PSMB7: variants seen among roughly 807,000 people sequenced by gnomAD.
PSMB7 encodes the protein proteasome 20S subunit beta 7.
A neutral mutation model predicts 28.1 loss-of-function variants in PSMB7; 5 were observed. The ratio of observed to expected loss-of-function variants is 0.18; its 90% CI spans 0.09 to 0.37. The LOEUF (loss-of-function observed/expected upper bound fraction) is 0.37. PSMB7 is among the 10% of genes least tolerant of loss of function. The pLI is 1.00. For missense variants in PSMB7, 275 were observed against 346.2 expected, an observed-to-expected ratio of 0.79 and a Z score of 1.63; for synonymous variants, 122 against 123.7, an observed-to-expected ratio of 0.99 and a Z score of 0.09.
At chr9:124,366,690 G>C (rs961323066) in intron 6 of PSMB7, among the ~76,000 whole-genome samples, 2 of 152,188 alleles carry the variant, frequency 1.3e-5, no homozygotes, top group African/African-American at 2.4e-5. Context: ...TTCTAGTTTT[G>C]CAAGATCCAT....
rs1379689902 is a variant in PSMB7, at chr9:124,412,509, G to C, written c.255-17C>G. 1 of 1,612,278 alleles carries C rather than the reference G, an allele frequency of 6.2e-7. No individual in the cohort carries two copies. Among genetic ancestry groups the C allele is most frequent in the Admixed American group, 1.7e-5 (1 of 59,770 alleles). On this transcript the variant is annotated splice_polypyrimidine_tract_variant and intron_variant, in intron 3 of 7. Coordinates refer to ENST00000259457, the MANE Select transcript of PSMB7 (RefSeq NM_002799.4). ...CCACAACAACTGAAAAATCCAATTA[G>C]AAACTTAGCTGAAATCCAATTACCA...
At chr9:124,384,061 A>G (rs1187271042) in intron 6 of PSMB7, 1 of 152,264 alleles carries the variant, frequency 6.6e-6, no homozygotes, top group Non-Finnish European at 1.5e-5. Flanking sequence ...AAACACAATA[A>G]AAGAATCTCT....
At position 124,413,918 on chromosome 9, in the gene PSMB7, G is replaced by A. The variant is rs549738267; in HGVS notation, c.244C>T (p.Pro82Ser). 7.5e-6 allele frequency: 12 copies of A among 1,597,652 alleles called. No homozygotes were observed. The South Asian group carries it at 1.0e-4, about 13-fold the overall frequency. Residue 82 changes from proline to serine, a missense_variant, in exon 3 of 8, where the codon CCT (proline) becomes TCT (serine). Transcript: ENST00000259457. ...KNCSKIHFISPNIYCCGAGTA... is the reference protein window; with the variant it reads ...KNCSKIHFISSNIYCCGAGTA... ...CGAATCAATACTTACTAAATATTAG[G>A]AGATATGAAGTGTATTTTTGAACAG...
At chr9:124,409,440 G>A (rs1162720101) in intron 4 of PSMB7, among the ~76,000 whole-genome samples, 2 of 152,296 alleles carry the variant, frequency 1.3e-5, no homozygotes, top group East Asian at 3.9e-4. Context: ...CATGCTCACA[G>A]AACAAGCATT....
chr9:124,363,888 G>A (rs575432958), intron 6 of PSMB7, among the ~76,000 whole-genome samples: 1 of 152,170 alleles, frequency 6.6e-6, no homozygotes, highest in Non-Finnish European at 1.5e-5. Context: ...AGAGATGTCA[G>A]CGGCTGCACG....
intron 6 of PSMB7, among the ~76,000 whole-genome samples, chr9:124,373,957 C>T (rs6478661): frequency 0.99 from 150,309 of 152,346 alleles, 74,178 homozygotes; most frequent in East Asian, 1. Context: ...CCAATGCTCA[C>T]AGCAGCATTA....
chr9:124,404,767 C>T (rs1391935405), intron 5 of PSMB7, among the ~76,000 whole-genome samples: 1 of 152,072 alleles, frequency 6.6e-6, no homozygotes, highest in African/African-American at 2.4e-5. Context: ...GCAGAAGAAT[C>T]ACTTGAACCC....
intron 4 of PSMB7, among the ~76,000 whole-genome samples, chr9:124,406,691 G>T (rs920430801): frequency 7.9e-5 from 12 of 151,186 alleles, no homozygotes; most frequent in Non-Finnish European, 1.8e-4. Context: ...AGAAACCACT[G>T]CTACTACACA....
chr9:124,365,428 G>C (rs1401487486), intron 6 of PSMB7, among the ~76,000 whole-genome samples: 1 of 152,182 alleles, frequency 6.6e-6, no homozygotes, highest in Non-Finnish European at 1.5e-5. Flanking sequence ...ACATGGGAAG[G>C]AGAAAGGTGT....
In PSMB7 at chr9:124,385,198, A is replaced by C. The variant is rs149261987; in HGVS notation, c.512-542T>G. On this transcript the variant is annotated intron_variant, in intron 5 of 7. Coordinates refer to ENST00000259457, the MANE Select transcript of PSMB7 (RefSeq NM_002799.4). ...GCAGCCACCAGGTTATTCCAGCTAC[A>C]ACTGTAAAACACTTTATTATGTGGC... Among the ~76,000 whole-genome samples, 422 of 152,382 alleles carry C rather than the reference A, an allele frequency of 2.8e-3. 2 individuals carry two copies. The highest frequency in any genetic ancestry group is 0.01 in the Middle Eastern group (3 of 294).
At chr9:124,380,693 G>A (rs113314996) in intron 6 of PSMB7, among the ~76,000 whole-genome samples, 56 of 152,310 alleles carry the variant, frequency 3.7e-4, no homozygotes, top group African/African-American at 1.2e-3. Flanking sequence ...AGGAGCCCTC[G>A]GGGGTAAAGG....
intron 6 of PSMB7, among the ~76,000 whole-genome samples, chr9:124,360,731 G>A (rs965791248): frequency 6.6e-6 from 1 of 152,240 alleles, no homozygotes; most frequent in African/African-American, 2.4e-5. Flanking sequence ...GAATGGGTTT[G>A]AATCCCCAGT....
At chr9:124,404,283 T>C (rs1213117098) in intron 5 of PSMB7, among the ~76,000 whole-genome samples, 3 of 151,712 alleles carry the variant, frequency 2.0e-5, no homozygotes, top group Non-Finnish European at 4.4e-5. Flanking sequence ...AATTTTTTGT[T>C]TTATGATCAT....
intron 7 of PSMB7, among the ~76,000 whole-genome samples, chr9:124,354,048 G>A (rs1830368863): frequency 6.6e-6 from 1 of 152,172 alleles, no homozygotes. Context: ...ACTGTTCAGG[G>A]ACAGCAGGAA....
chr9:124,390,250 A>T (rs1301872482), intron 5 of PSMB7, among the ~76,000 whole-genome samples: 1 of 152,254 alleles, frequency 6.6e-6, no homozygotes, highest in Admixed American at 6.5e-5. Flanking sequence ...TTGGAGAAGC[A>T]GAAATGGATA....
chr9:124,394,659 A>G (rs916742848), intron 5 of PSMB7, among the ~76,000 whole-genome samples: 2 of 152,228 alleles, frequency 1.3e-5, no homozygotes, highest in Admixed American at 6.5e-5. Flanking sequence ...ATATTTTTTT[A>G]CACAGAATCA....
intron 2 of PSMB7, 124 bp downstream of exon 2, chr9:124,414,718 G>T: frequency 1.3e-6 from 1 of 740,864 alleles, no homozygotes. Context: ...CCTGAAAGAC[G>T]GTCTCCTGAT....
At chr9:124,374,997 C>T (rs1389881167) in intron 6 of PSMB7, among the ~76,000 whole-genome samples, 8 of 151,798 alleles carry the variant, frequency 5.3e-5, no homozygotes, top group African/African-American at 1.5e-4. Flanking sequence ...AAAAATCAGC[C>T]GGGCATGGTG....
At chr9:124,371,735 G>A (rs1045087466) in intron 6 of PSMB7, among the ~76,000 whole-genome samples, 12 of 152,158 alleles carry the variant, frequency 7.9e-5, no homozygotes, top group African/African-American at 2.9e-4. Context: ...TTGATATCAC[G>A]ACACAGAACA....
Sources: gnomAD v4.1 joint callset for allele counts (sites outside exome capture counted in the v4.1 genomes callset) on GRCh38, gnomAD v4.1.1 for gene constraint, MANE v1.5 for transcripts, NCBI Gene and HGNC (gene_info 2026-07-23, HGNC 2026-07-21) for gene names.